Variants in ELAVL2 observed in about 807,000 individuals in gnomAD.
ELAVL2 encodes the protein ELAV-like protein 2.
In ELAVL2, 4 loss-of-function variants were observed where a neutral mutation model predicts 34.6. The ratio of observed to expected loss-of-function variants is 0.12; its 90% CI spans 0.06 to 0.26. The LOEUF (loss-of-function observed/expected upper bound fraction) is 0.26. Among genes scored for constraint, ELAVL2 ranks in the 10% least tolerant of loss-of-function variants. The probability of loss-of-function intolerance (pLI) is 1.00; values close to 1 mark genes in which losing one functional copy is unlikely to be tolerated. For synonymous variants in ELAVL2, 193 were observed against 154.8 expected, an observed-to-expected ratio of 1.25 and a Z score of -1.83; for missense variants, 432 against 442.8, an observed-to-expected ratio of 0.98 and a Z score of 0.22.
intron 1 of ELAVL2, among the ~76,000 whole-genome samples, chr9:23,822,940 AGGGAGGG>A (rs2065021546): frequency 6.6e-6 from 1 of 152,148 alleles, no homozygotes; most frequent in Non-Finnish European, 1.5e-5. Flanking sequence ...GTTGGGGGGA[AGGGAGGG>A]GACTCGTCTA....
At chr9:23,764,371 C>A (rs1025851569) in intron 1 of ELAVL2, among the ~76,000 whole-genome samples, 2 of 152,150 alleles carry the variant, frequency 1.3e-5, no homozygotes, top group South Asian at 4.1e-4. Flanking sequence ...GTTCAGGTGG[C>A]AAGAATGAGC....
At chr9:23,704,651 T>C (rs986094420) in intron 4 of ELAVL2, among the ~76,000 whole-genome samples, 1 of 152,182 alleles carries the variant, frequency 6.6e-6, no homozygotes, top group Non-Finnish European at 1.5e-5. Context: ...ATGAAGATTA[T>C]AGCATCTATA....
chr9:23,697,066 G>A lies in ELAVL2; in HGVS notation c.714-3580C>T, dbSNP rs372958611. ...GCAATCATCGAAGGGGAGAGGCGGC[G>A]AGTGGCACTCTCTCCTGCTCTTTAG... On this transcript the variant is annotated intron_variant, in intron 5 of 6. Transcript: ENST00000397312. 3.3e-4 allele frequency among the ~76,000 whole-genome samples: 50 copies of A among 152,112 alleles called. 3 individuals carry two copies. In the South Asian group the frequency reaches 9.8e-3, roughly 30 times the overall value.
intron 2 of ELAVL2, among the ~76,000 whole-genome samples, chr9:23,754,879 C>G (rs896519432): frequency 8.5e-5 from 13 of 152,190 alleles, no homozygotes; most frequent in African/African-American, 3.1e-4. Flanking sequence ...GGGAAGATGT[C>G]TCTCTGTCCT....
At chr9:23,834,257 C>G in the ELAVL2 span, among the ~76,000 whole-genome samples, 1 of 151,854 alleles carries the variant, frequency 6.6e-6, no homozygotes, top group Admixed American at 6.6e-5. Context: ...TACAATATCA[C>G]TTTTTAAAAT....
intron 5 of ELAVL2, among the ~76,000 whole-genome samples, chr9:23,700,766 T>C (rs2036912813): frequency 6.6e-6 from 1 of 152,150 alleles, no homozygotes; most frequent in South Asian, 2.1e-4. Context: ...AACTCATTTG[T>C]AGAAACTTCA....
intron 1 of ELAVL2, among the ~76,000 whole-genome samples, chr9:23,788,867 T>A (rs971589454): frequency 3.9e-5 from 6 of 152,200 alleles, no homozygotes; most frequent in Admixed American, 6.5e-5. Flanking sequence ...TGAGGGTACA[T>A]CACACTATTC....
intron 5 of ELAVL2, among the ~76,000 whole-genome samples, chr9:23,697,115 A>G (rs2035538602): frequency 6.6e-6 from 1 of 152,100 alleles, no homozygotes. Flanking sequence ...CATTTTACAA[A>G]TAACACAGCA....
intron 2 of ELAVL2, among the ~76,000 whole-genome samples, chr9:23,748,263 C>A (rs890762300): frequency 3.3e-5 from 5 of 152,052 alleles, no homozygotes; most frequent in African/African-American, 1.2e-4. Context: ...CTCTTTGACT[C>A]TGATTGAGGA....
intron 1 of ELAVL2, among the ~76,000 whole-genome samples, chr9:23,786,269 A>AAT (rs549442748): frequency 3.2e-4 from 48 of 152,312 alleles, no homozygotes; most frequent in African/African-American, 1.1e-3. Flanking sequence ...CATAATACCT[A>AAT]ATTTCATCAA....
intron 1 of ELAVL2, among the ~76,000 whole-genome samples, chr9:23,814,541 T>C (rs1160920832): frequency 6.6e-6 from 1 of 152,122 alleles, no homozygotes; most frequent in African/African-American, 2.4e-5. Flanking sequence ...GAAAAGTCCA[T>C]GGGTCATTCA....
the ELAVL2 span, among the ~76,000 whole-genome samples, chr9:23,845,772 T>C: frequency 6.6e-6 from 1 of 151,870 alleles, no homozygotes; most frequent in Non-Finnish European, 1.5e-5. Flanking sequence ...ACTATTTTAA[T>C]GTGTGAGCTC....
intron 3 of ELAVL2, among the ~76,000 whole-genome samples, chr9:23,705,407 G>T (rs2038982167): frequency 6.6e-6 from 1 of 152,184 alleles, no homozygotes; most frequent in African/African-American, 2.4e-5. Context: ...GAGGTATAGT[G>T]ATTCAACAAC....
intron 1 of ELAVL2, among the ~76,000 whole-genome samples, chr9:23,792,781 A>AT (rs2060476039): frequency 6.6e-6 from 1 of 151,114 alleles, no homozygotes; most frequent in Non-Finnish European, 1.5e-5. Context: ...TTTTTCTTTT[A>AT]TTTTTTAGAC....
chr9:23,746,210 ACC>A (rs1163638625), intron 2 of ELAVL2, among the ~76,000 whole-genome samples: 3 of 152,216 alleles, frequency 2.0e-5, no homozygotes, highest in Non-Finnish European at 4.4e-5. Flanking sequence ...AAACTCCTTT[ACC>A]AATAGCTATG....
chr9:23,701,848 T>C (rs890372875), intron 4 of ELAVL2, among the ~76,000 whole-genome samples: 4 of 152,196 alleles, frequency 2.6e-5, no homozygotes, highest in African/African-American at 9.6e-5. Flanking sequence ...CATTATCACA[T>C]GCATTCCAAT....
chr9:23,779,310 G>C, intron 1 of ELAVL2: 1 of 985,368 alleles, frequency 1.0e-6, no homozygotes, highest in Non-Finnish European at 1.2e-6. Flanking sequence ...TGGCAAAGTG[G>C]GCAGACAGAG....
At chr9:23,797,304 G>A (rs1831234) in intron 1 of ELAVL2, among the ~76,000 whole-genome samples, 14,357 of 152,214 alleles carry the variant, frequency 0.094, 933 homozygotes, top group Admixed American at 0.18. Flanking sequence ...AAACAGCACG[G>A]CTTTCTAAAT....
chr9:23,724,711 T>C (rs546493764), intron 3 of ELAVL2, among the ~76,000 whole-genome samples: 26 of 152,286 alleles, frequency 1.7e-4, no homozygotes, highest in African/African-American at 6.0e-4. Context: ...TCAGATGTAA[T>C]ATACTGTTAA....
Sources: gnomAD v4.1 joint callset for allele counts (sites outside exome capture counted in the v4.1 genomes callset) on GRCh38, gnomAD v4.1.1 for gene constraint, MANE v1.5 for transcripts, NCBI Gene and HGNC (gene_info 2026-07-23, HGNC 2026-07-21) for gene names.